AGMO: variants seen among roughly 807,000 people sequenced by gnomAD.
AGMO encodes glyceryl-ether monooxygenase.
In AGMO, 75 loss-of-function variants were observed where a neutral mutation model predicts 60.2. The ratio of observed to expected loss-of-function variants is 1.25; its 90% confidence interval spans 1.03 to 1.51. AGMO has a LOEUF of 1.51. Ranked by LOEUF, AGMO falls within the 40% of genes most tolerant of loss-of-function variation. AGMO has a pLI of 0.00. For synonymous variants in AGMO, 261 were observed against 177.1 expected (o/e 1.47, Z -3.76); for missense variants, 763 against 525.5 (o/e 1.45, Z -4.42).
At chr7:15,135,367 G>A in the AGMO span, among the ~76,000 whole-genome samples, 1 of 152,062 alleles carries the variant, frequency 6.6e-6, no homozygotes, top group African/African-American at 2.4e-5. Context: ...CCCTCTAAAT[G>A]TGGAGAACAT....
chr7:15,530,877 C>T (rs1294551865), intron 3 of AGMO, among the ~76,000 whole-genome samples: 1 of 138,406 alleles, frequency 7.2e-6, no homozygotes, highest in African/African-American at 2.6e-5. Context: ...ATATAGATGA[C>T]TGTATTCCAG....
intron 12 of AGMO, among the ~76,000 whole-genome samples, chr7:15,232,818 C>CACACACACAA (rs1272820993): frequency 1.3e-5 from 2 of 151,704 alleles, no homozygotes; most frequent in East Asian, 3.9e-4. Flanking sequence ...CACACACACA[C>CACACACACAA]ACACACACAA....
intron 3 of AGMO, among the ~76,000 whole-genome samples, chr7:15,440,685 G>A (rs1294683320): frequency 6.6e-6 from 1 of 152,130 alleles, no homozygotes; most frequent in East Asian, 1.9e-4. Flanking sequence ...CCACTTTATA[G>A]TCGTCATTCA....
chr7:15,400,223 A>G lies in AGMO; in HGVS notation c.610-6044T>C, dbSNP rs552455762. ...TAGATAAATCCCCCTTACTCCTCTC[A>G]TACTCTTATTTCTTTACAGCAGCGG... On this transcript the variant is annotated intron_variant, in intron 5 of 12. Transcript: ENST00000342526. Among the ~76,000 whole-genome samples, 154 of 152,168 alleles carry G rather than the reference A, an allele frequency of 1.0e-3. 1 individual carries two copies. Among genetic ancestry groups the G allele is most frequent in the African/African-American group, 3.5e-3 (146 of 41,536 alleles).
the AGMO span, among the ~76,000 whole-genome samples, chr7:15,165,342 C>A: frequency 1.3e-5 from 2 of 152,020 alleles, no homozygotes; most frequent in African/African-American, 4.8e-5. Flanking sequence ...TGCAGTATAT[C>A]CATGTAACAT....
At chr7:15,472,715 C>T (rs568077961) in intron 3 of AGMO, among the ~76,000 whole-genome samples, 3 of 152,014 alleles carry the variant, frequency 2.0e-5, no homozygotes, top group Admixed American at 6.6e-5. Context: ...TTTAAAGGAA[C>T]ATTGTTGTGG....
chr7:15,553,863 T>C (rs1011294652), intron 2 of AGMO, among the ~76,000 whole-genome samples: 2 of 152,106 alleles, frequency 1.3e-5, no homozygotes, highest in African/African-American at 4.8e-5. Flanking sequence ...AGCTGAAATA[T>C]GCCTAACATA....
At chr7:15,135,206 C>T in the AGMO span, among the ~76,000 whole-genome samples, 2 of 150,670 alleles carry the variant, frequency 1.3e-5, no homozygotes, top group African/African-American at 4.9e-5. Context: ...GTGTGTGTGG[C>T]ATATACGTGT....
chr7:15,556,114 C>G (rs1275073905), intron 2 of AGMO, among the ~76,000 whole-genome samples: 1 of 151,790 alleles, frequency 6.6e-6, no homozygotes, highest in Non-Finnish European at 1.5e-5. Context: ...GCCTCTCGTG[C>G]CAAGGCCCCT....
rs1554419148 is a variant in AGMO, at chr7:15,342,801, A to AAAC, written c.1263+22712_1263+22713insGTT. On this transcript the variant is annotated intron_variant, in intron 12 of 12. Coordinates refer to ENST00000342526, the MANE Select transcript of AGMO (RefSeq NM_001004320.2). ...CTGCAAAAAAAAAAAAAAAAAAAAA[A>AAAC]AAAATTGATCTGAATTCTACCTCTA... 7.4e-3 allele frequency among the ~76,000 whole-genome samples: 796 copies of AAAC among 107,918 alleles called. 92 individuals are homozygous for AAAC. The highest frequency in any genetic ancestry group is 0.025 in the African/African-American group (595 of 23,832). The allele number at this position is 107,918 out of a possible 152,430, so 70.8% of individuals were successfully genotyped here. A position where few individuals can be genotyped will look rare whatever the true frequency, so the allele number is the denominator to read the frequency against.
chr7:15,440,117 C>T (rs7787993), intron 3 of AGMO, among the ~76,000 whole-genome samples: 121,543 of 152,130 alleles, frequency 0.8, 49,521 homozygotes, highest in African/African-American at 0.88. Flanking sequence ...TTCCCAAGCT[C>T]AAGGACTAAC....
intron 12 of AGMO, among the ~76,000 whole-genome samples, chr7:15,232,966 G>T (rs1306789686): frequency 6.6e-6 from 1 of 152,004 alleles, no homozygotes; most frequent in Non-Finnish European, 1.5e-5. Context: ...ACTGAACAAA[G>T]CATTTTAAAG....
chr7:15,361,007 A>T (rs4548067), intron 12 of AGMO, among the ~76,000 whole-genome samples: 1 of 151,946 alleles, frequency 6.6e-6, no homozygotes, highest in African/African-American at 2.4e-5. Flanking sequence ...GATGCCAGCC[A>T]GCTATAGCTA....
chr7:15,426,060 G>C (rs544138222), intron 4 of AGMO, among the ~76,000 whole-genome samples: 90 of 152,038 alleles, frequency 5.9e-4, no homozygotes, highest in African/African-American at 2.0e-3. Flanking sequence ...TATTGCAAAA[G>C]GTAAACAAAT....
chr7:15,452,162 C>T (rs1291301162), intron 3 of AGMO, among the ~76,000 whole-genome samples: 2 of 151,948 alleles, frequency 1.3e-5, no homozygotes, highest in Admixed American at 1.3e-4. Context: ...TGTGTATCTT[C>T]ATGACATTGG....
the AGMO span, among the ~76,000 whole-genome samples, chr7:15,164,150 G>T: frequency 6.6e-6 from 1 of 152,112 alleles, no homozygotes; most frequent in East Asian, 1.9e-4. Context: ...AATGGGGAAA[G>T]AACATTCTAT....
chr7:15,351,281 A>T (rs117155965), intron 12 of AGMO, among the ~76,000 whole-genome samples: 2 of 152,272 alleles, frequency 1.3e-5, no homozygotes, highest in Middle Eastern at 3.4e-3. Context: ...GAGCAAAAAC[A>T]AAATCTCCCC....
intron 5 of AGMO, among the ~76,000 whole-genome samples, chr7:15,400,876 G>A (rs1784535389): frequency 6.6e-6 from 1 of 152,104 alleles, no homozygotes; most frequent in Non-Finnish European, 1.5e-5. Context: ...AGTTTCAAAT[G>A]AAAGTAGCCA....
chr7:15,531,356 T>G (rs796644397), intron 3 of AGMO, among the ~76,000 whole-genome samples: 1 of 75,384 alleles, frequency 1.3e-5, no homozygotes, highest in Non-Finnish European at 2.5e-5. Context: ...TCTATATATA[T>G]TCTATATATA....
Sources: gnomAD v4.1 joint callset for allele counts (sites outside exome capture counted in the v4.1 genomes callset) on GRCh38, gnomAD v4.1.1 for gene constraint, MANE v1.5 for transcripts, NCBI Gene and HGNC (gene_info 2026-07-23, HGNC 2026-07-21) for gene names.